The following AUTS2 variants were observed in gnomAD, a reference collection of about 807,000 sequenced individuals.
AUTS2 encodes autism susceptibility gene 2 protein.
In AUTS2, 17 loss-of-function variants were observed where a neutral mutation model predicts 112.4. That is an observed-to-expected ratio of 0.15 (90% confidence interval 0.10 to 0.23). The LOEUF (loss-of-function observed/expected upper bound fraction) is 0.23. Among genes scored for constraint, AUTS2 ranks in the 10% least tolerant of loss-of-function variants. The pLI is 1.00. For missense variants in AUTS2, 1,510 were observed against 1,701.6 expected (o/e 0.89, Z 1.98); for synonymous variants, 751 against 702.7 (o/e 1.07, Z -1.09).
intron 6 of AUTS2, among the ~76,000 whole-genome samples, chr7:70,703,068 G>T (rs1382525217): frequency 2.6e-5 from 4 of 152,158 alleles, no homozygotes; most frequent in African/African-American, 9.7e-5. Flanking sequence ...TTAGTAACCA[G>T]GTACCTAATA....
chr7:70,711,073 A>G (rs1810023281), intron 6 of AUTS2, among the ~76,000 whole-genome samples: 1 of 152,148 alleles, frequency 6.6e-6, no homozygotes, highest in African/African-American at 2.4e-5. Context: ...AGTAACTGTT[A>G]TTTGACCACA....
At chr7:70,619,661 C>G (rs1804565149) in intron 5 of AUTS2, among the ~76,000 whole-genome samples, 1 of 151,908 alleles carries the variant, frequency 6.6e-6, no homozygotes, top group Admixed American at 6.6e-5. Context: ...GCCATTTGAC[C>G]CTTATGTAAT....
chr7:69,880,691 A>C (rs1794007358), intron 1 of AUTS2, among the ~76,000 whole-genome samples: 1 of 152,160 alleles, frequency 6.6e-6, no homozygotes, highest in Admixed American at 6.5e-5. Context: ...CAGATAGATA[A>C]TTTGTTTTCT....
At chr7:69,927,928 C>T (rs1484565230) in intron 2 of AUTS2, among the ~76,000 whole-genome samples, 2 of 152,308 alleles carry the variant, frequency 1.3e-5, no homozygotes, top group Middle Eastern at 3.4e-3. Flanking sequence ...TGCAGGTCTT[C>T]TCTCCTTTTC....
intron 4 of AUTS2, among the ~76,000 whole-genome samples, chr7:70,423,416 G>A: frequency 6.6e-6 from 1 of 152,180 alleles, no homozygotes; most frequent in East Asian, 1.9e-4. Flanking sequence ...ACTTGTACCA[G>A]TAATCACCTA....
chr7:70,608,390 T>C (rs10266672), intron 5 of AUTS2, among the ~76,000 whole-genome samples: 3,818 of 152,126 alleles, frequency 0.025, 163 homozygotes, highest in African/African-American at 0.087. Flanking sequence ...CAGGTGTGAG[T>C]CACTGCATCC....
chr7:70,009,278 A>ACGATCTAAT, intron 2 of AUTS2, among the ~76,000 whole-genome samples: 1 of 152,284 alleles, frequency 6.6e-6, no homozygotes, highest in East Asian at 1.9e-4. Flanking sequence ...CAGTGACCCC[A>ACGATCTAAT]CGATCTAATC....
intron 1 of AUTS2, among the ~76,000 whole-genome samples, chr7:69,820,552 C>T (rs779000766): frequency 1.1e-4 from 16 of 152,176 alleles, no homozygotes; most frequent in Non-Finnish European, 1.9e-4. Context: ...GTAAACAAGG[C>T]ACATAGAATT....
chr7:70,271,924 G>A lies in AUTS2; in HGVS notation c.660+137353G>A, dbSNP rs541137730. On this transcript the variant is annotated intron_variant, in intron 4 of 18. Transcript: ENST00000342771. ...AGGTTCAATGTAATTTCATGTTCAC[G>A]GGCAGGGAGGGATGTGTGCTGCATA... Among the ~76,000 whole-genome samples, 7 of 152,180 alleles carry A rather than the reference G, an allele frequency of 4.6e-5. No homozygotes were observed. The South Asian group carries it at 6.2e-4, about 14-fold the overall frequency.
chr7:70,516,160 C>G (rs1179218921), intron 5 of AUTS2, among the ~76,000 whole-genome samples: 1 of 152,144 alleles, frequency 6.6e-6, no homozygotes, highest in East Asian at 1.9e-4. Flanking sequence ...AACAGAGAGA[C>G]AGTAATGTAT....
intron 4 of AUTS2, among the ~76,000 whole-genome samples, chr7:70,322,813 T>C (rs1459494957): frequency 1.3e-5 from 2 of 152,208 alleles, no homozygotes; most frequent in African/African-American, 2.4e-5. Context: ...CGGATACCAA[T>C]TCATTCGTGG....
chr7:70,741,059 A>G (rs1332274017), intron 6 of AUTS2, among the ~76,000 whole-genome samples: 2 of 151,380 alleles, frequency 1.3e-5, no homozygotes, highest in African/African-American at 2.4e-5. Context: ...GCACCACCAC[A>G]CTCCAGCCTG....
intron 4 of AUTS2, among the ~76,000 whole-genome samples, chr7:70,233,109 A>C (rs910443152): frequency 6.6e-6 from 1 of 152,202 alleles, no homozygotes; most frequent in African/African-American, 2.4e-5. Flanking sequence ...AACATATTTC[A>C]TACTGGGTTA....
At chr7:70,024,583 G>GT (rs1204668762) in intron 2 of AUTS2, among the ~76,000 whole-genome samples, 1 of 151,800 alleles carries the variant, frequency 6.6e-6, no homozygotes, top group Non-Finnish European at 1.5e-5. Context: ...CTGTATGTGT[G>GT]TTTTTTTCTC....
chr7:70,420,692 A>T (rs1370274346), intron 4 of AUTS2, among the ~76,000 whole-genome samples: 1 of 152,220 alleles, frequency 6.6e-6, no homozygotes, highest in African/African-American at 2.4e-5. Flanking sequence ...AGACAAAAAG[A>T]GTACATACTG....
At chr7:69,873,313 T>C (rs1389362084) in intron 1 of AUTS2, among the ~76,000 whole-genome samples, 1 of 152,142 alleles carries the variant, frequency 6.6e-6, no homozygotes, top group Non-Finnish European at 1.5e-5. Flanking sequence ...CTGGGAAATT[T>C]AGTAACCTTA....
At chr7:69,992,961 T>C (rs987573662) in intron 2 of AUTS2, among the ~76,000 whole-genome samples, 3 of 152,162 alleles carry the variant, frequency 2.0e-5, no homozygotes, top group Non-Finnish European at 4.4e-5. Context: ...TTAATGTAAA[T>C]TGGTGGCACA....
At chr7:70,244,610 AG>A (rs1425574967) in intron 4 of AUTS2, among the ~76,000 whole-genome samples, 31 of 152,210 alleles carry the variant, frequency 2.0e-4, no homozygotes, top group African/African-American at 7.2e-4. Context: ...ACTAAGGATC[AG>A]CAGGAATGGA....
intron 4 of AUTS2, among the ~76,000 whole-genome samples, chr7:70,416,647 AC>A (rs1463050688): frequency 9.2e-5 from 14 of 152,178 alleles, no homozygotes; most frequent in Admixed American, 7.2e-4. Context: ...CTGTCCGGCA[AC>A]CCACAGCGGC....
Sources: allele counts gnomAD v4.1 joint callset (sites outside exome capture counted in the v4.1 genomes callset), GRCh38; gene constraint gnomAD v4.1.1; transcripts MANE v1.5; gene names NCBI Gene and HGNC (gene_info 2026-07-23, HGNC 2026-07-21).